SPATA31A7: variants seen among roughly 807,000 people sequenced by gnomAD.
SPATA31A7 encodes the protein spermatogenesis-associated protein 31A7.
SPATA31A7 carries 2 observed loss-of-function variants against 40.5 expected under a neutral mutation model. The ratio of observed to expected loss-of-function variants is 0.05; its 90% CI spans 0.02 to 0.16. The LOEUF (loss-of-function observed/expected upper bound fraction) is 0.16, where lower values mean the gene tolerates loss of function less well. Ranked by LOEUF, SPATA31A7 falls within the 10% of genes least tolerant of loss-of-function variation. The probability of loss-of-function intolerance (pLI) is 1.00; values close to 1 mark genes in which losing one functional copy is unlikely to be tolerated. For missense variants in SPATA31A7, 36 were observed against 590.3 expected (o/e 0.06, Z 9.73); for synonymous variants, 17 against 231.9 (o/e 0.07, Z 8.42).
intron 1 of SPATA31A7, chr9:61,190,852 T>A (rs1385747033): frequency 2.8e-5 from 1 of 36,054 alleles, no homozygotes; most frequent in African/African-American, 9.3e-5. Context: ...GTGTGTGTAT[T>A]TTTATTTTAT....
rs1826823607 is a variant in SPATA31A7 at position 61,191,977 on chromosome 9, G to A, written c.248-102G>A. ...TTGGACACAGATGGGTGGGGTCCAGGGTCTAATTCCCCATGGTCCTCCCTA... is the reference window on the plus strand; with the variant it reads ...TTGGACACAGATGGGTGGGGTCCAGAGTCTAATTCCCCATGGTCCTCCCTA... On this transcript the variant is annotated intron_variant, in intron 2 of 3. Coordinates refer to ENST00000619167, the Ensembl canonical transcript of SPATA31A7. 5.0e-6 allele frequency: 6 copies of A among 1,202,632 alleles called. 1 individual carries two copies. The East Asian group carries it at 1.3e-4, about 26-fold the overall frequency. 74.5% of individuals were successfully genotyped at this position (1,202,632 alleles called of 1,614,324 possible).
At chr9:61,191,922 C>T (rs1484825852) in intron 2 of SPATA31A7, 157 bp from the exon 3 acceptor site, 10 of 1,157,408 alleles carry the variant, frequency 8.6e-6, no homozygotes, top group South Asian at 6.1e-5. Flanking sequence ...GTCCTCCATG[C>T]CTTGCTATTA....
Position 61,191,517 on chromosome 9 carries a change from C to T in SPATA31A7, c.247+7C>T. 2.3e-6 allele frequency: 3 copies of T among 1,328,912 alleles called. 1 individual carries two copies. Among genetic ancestry groups the T allele is most frequent in the Non-Finnish European group, 3.0e-6 (3 of 1,002,632 alleles). The allele number at this position is 1,328,912 out of a possible 1,614,324, so 82.3% of individuals were successfully genotyped here. ...AAAAACCACAGTCTGAGAGGTAAGG[C>T]TCTGCCAGAGCACACTAGAGTTAAT... On this transcript the variant is annotated splice_region_variant and intron_variant, in intron 2 of 3. Coordinates refer to ENST00000619167, the Ensembl canonical transcript of SPATA31A7.
In SPATA31A7 at chr9:61,191,934, C is replaced by A; in HGVS notation, c.248-145C>A. 5.1e-6 allele frequency: 6 copies of A among 1,180,248 alleles called. 1 individual carries two copies. The highest frequency in any genetic ancestry group is 7.1e-6 in the Non-Finnish European group (6 of 842,694). 73.1% of individuals were successfully genotyped at this position (1,180,248 alleles called of 1,614,324 possible). A position where few individuals can be genotyped will look rare whatever the true frequency, so the allele number is the denominator to read the frequency against. On this transcript the variant is annotated intron_variant, in intron 2 of 3. Coordinates refer to ENST00000619167, the Ensembl canonical transcript of SPATA31A7. The stretch of plus-strand genomic sequence containing the variant: ...CTTGTCCTCCATGCCTTGCTATTAA[C>A]GTCGGGGTCATGTGGCTTTGGACAC...
chr9:61,194,331 T>A, exon 4 of SPATA31A7: 1 of 488,416 alleles, frequency 2.0e-6, no homozygotes. Context: ...GATCCCCGTG[T>A]GTGTGCGTCG....
chr9:61,190,869 GTGT>G (rs1236667692), intron 1 of SPATA31A7: 1 of 35,904 alleles, frequency 2.8e-5, no homozygotes, highest in African/African-American at 9.4e-5. Context: ...TTATTTGTGT[GTGT>G]TATTTTTATT....
At chr9:61,191,545 G>C in intron 2 of SPATA31A7, 35 bp downstream of exon 2, 1 of 1,301,796 alleles carries the variant, frequency 7.7e-7, no homozygotes. Flanking sequence ...GAGTTAATTT[G>C]ATCTCATCTG....
chr9:61,191,015 GC>G, intron 1 of SPATA31A7: 1 of 84,772 alleles, frequency 1.2e-5, no homozygotes, highest in Non-Finnish European at 1.9e-5. Context: ...CTGAGTTCAA[GC>G]GATTCTCCTG....
intron 2 of SPATA31A7, 188 bp from the exon 3 acceptor site, chr9:61,191,891 C>G: frequency 1.0e-6 from 1 of 981,320 alleles, no homozygotes; most frequent in Non-Finnish European, 1.5e-6. Context: ...TGTGGAAGCC[C>G]TTTGTGAATG....
Position 61,192,385 on chromosome 9 carries a change from T to C in SPATA31A7, c.309-10T>C. ...TCCTGGCTGCAGCTCGTGCCTCCTG[T>C]CTCCTGCAGCCTCCTGGGGCCACAC... On this transcript the variant is annotated splice_polypyrimidine_tract_variant and intron_variant, in intron 3 of 3. Coordinates refer to ENST00000619167, the Ensembl canonical transcript of SPATA31A7. 6.4e-7 allele frequency: 1 copy of C among 1,571,224 alleles called. No homozygotes were observed. Among genetic ancestry groups the C allele is most frequent in the Middle Eastern group, 2.2e-4 (1 of 4,456 alleles).
intron 1 of SPATA31A7, chr9:61,191,136 T>G: frequency 4.3e-6 from 1 of 233,484 alleles, no homozygotes; most frequent in South Asian, 3.4e-5. Context: ...GGTCTCAAAC[T>G]CCTGACCTCA....
chr9:61,191,870 G>T, intron 2 of SPATA31A7: 1 of 717,598 alleles, frequency 1.4e-6, no homozygotes, highest in South Asian at 2.0e-5. Context: ...TGTGGGGGTG[G>T]GGGGTCCGTG....
At chr9:61,192,085 G>C (rs1290256471) in exon 3 of SPATA31A7, 1 of 1,536,722 alleles carries the variant, frequency 6.5e-7, no homozygotes, top group Non-Finnish European at 8.7e-7. Context: ...CCAGCTGGTA[G>C]AGAGTGCCCG....
At chr9:61,191,383 C>A (rs1372735042) in intron 1 of SPATA31A7, 70 bp from the exon 2 acceptor site, 2 of 1,385,236 alleles carry the variant, frequency 1.4e-6, no homozygotes, top group Non-Finnish European at 9.6e-7. Context: ...GCTTCTCACC[C>A]TTTCTTGTCT....
Position 61,192,151 on chromosome 9 carries a change from C to G in SPATA31A7, c.308+12C>G. The G allele has an allele frequency of 6.5e-7, 1 of 1,548,698 alleles. No individual in the cohort carries two copies. The highest frequency in any genetic ancestry group is 8.7e-7 in the Non-Finnish European group (1 of 1,148,182). On this transcript the variant is annotated intron_variant, in intron 3 of 3. Coordinates refer to ENST00000619167, the Ensembl canonical transcript of SPATA31A7. ...TCACAACTGCAGAGGTGAGGCACTT[C>G]CCCTTCCCTGCATCCTTCCTACCAG...
In SPATA31A7 at chr9:61,190,779, G is replaced by A. The variant is rs1243693628; in HGVS notation, c.189+526G>A. The A allele has an allele frequency of 1.8e-4, 4 of 22,720 alleles. 2 individuals are homozygous for A. The highest frequency in any genetic ancestry group is 3.7e-4 in the Non-Finnish European group (4 of 10,840). The allele number at this position is 22,720 out of a possible 1,614,324, so 1.4% of individuals were successfully genotyped here. A position where few individuals can be genotyped will look rare whatever the true frequency, so the allele number is the denominator to read the frequency against. The stretch of plus-strand genomic sequence containing the variant: ...TTCCTGGAGCAGAGGAACAGGGACT[G>A]AAGGTGTCCGTGGTGGACCTCATAT... On this transcript the variant is annotated intron_variant, in intron 1 of 3. Transcript: ENST00000619167.
chr9:61,193,222 C>CA lies in SPATA31A7; in HGVS notation c.1140dup (p.Pro381ThrfsTer22). On this transcript the variant is annotated frameshift_variant, in exon 4 of 4. Coordinates refer to ENST00000619167, the Ensembl canonical transcript of SPATA31A7. LOFTEE classifies it high-confidence loss of function. Reference sequence around the variant, plus strand: ...GATGCTGAGCAGGACACCACAAACCCAAAACCCTTCTGGAACATGGGAGAG... The same window carrying CA: ...GATGCTGAGCAGGACACCACAAACCCAAAAACCCTTCTGGAACATGGGAGAG... The CA allele has an allele frequency of 7.3e-7, 1 of 1,377,926 alleles. No homozygotes were observed. The highest frequency in any genetic ancestry group is 9.6e-7 in the Non-Finnish European group (1 of 1,044,838). The allele number at this position is 1,377,926 out of a possible 1,614,324, so 85.4% of individuals were successfully genotyped here.
chr9:61,193,133 A>G lies in SPATA31A7; in HGVS notation c.1047A>G (p.Ser349=). ...GGGAAGAAAAAGAAAATGTTGGATC[A>G]TTTACAAATCGAATGACCCCAGAAA... Residue 349 remains serine, a synonymous_variant, in exon 4 of 4, where the codon TCA becomes TCG. Coordinates refer to ENST00000619167, the Ensembl canonical transcript of SPATA31A7. 11 of 1,385,342 alleles carry G rather than the reference A, an allele frequency of 7.9e-6. 4 individuals are homozygous for G. The highest frequency in any genetic ancestry group is 1.0e-5 in the Non-Finnish European group (11 of 1,047,656). The allele number at this position is 1,385,342 out of a possible 1,614,324, so 85.8% of individuals were successfully genotyped here. A position where few individuals can be genotyped will look rare whatever the true frequency, so the allele number is the denominator to read the frequency against.
At chr9:61,192,040 C>T in intron 2 of SPATA31A7, 39 bp from the exon 3 acceptor site, 1 of 1,468,336 alleles carries the variant, frequency 6.8e-7, no homozygotes, top group Non-Finnish European at 9.2e-7. Context: ...GAACCCAGGC[C>T]CCTCCCTCAC....
Sources: allele counts gnomAD v4.1 joint callset, GRCh38; gene constraint gnomAD v4.1.1; transcripts MANE v1.5; gene names NCBI Gene and HGNC (gene_info 2026-07-23, HGNC 2026-07-21).